The following EIF2B3 variants were observed in gnomAD, a reference collection of about 807,000 sequenced individuals.
The protein encoded by EIF2B3 is eukaryotic translation initiation factor 2B subunit gamma.
In EIF2B3, 20 loss-of-function variants were observed where a neutral mutation model predicts 54.1. The observed-to-expected ratio is 0.37, with a 90% CI of 0.26 to 0.54. The LOEUF (loss-of-function observed/expected upper bound fraction) is 0.54. EIF2B3 is among the 20% of genes least tolerant of loss of function. EIF2B3 has a pLI of 0.86. For missense variants in EIF2B3, 448 were observed against 547.8 expected (o/e 0.82, Z 1.82); for synonymous variants, 153 against 188.1 (o/e 0.81, Z 1.52).
chr1:44,897,699 T>C (rs1656019725), intron 5 of EIF2B3, among the ~76,000 whole-genome samples: 1 of 152,002 alleles, frequency 6.6e-6, no homozygotes, highest in South Asian at 2.1e-4. Flanking sequence ...TGAGACATCA[T>C]ATCACTGATA....
chr1:44,894,929 A>G (rs1052979667), intron 6 of EIF2B3, among the ~76,000 whole-genome samples: 2 of 152,160 alleles, frequency 1.3e-5, no homozygotes, highest in African/African-American at 2.4e-5. Context: ...CCACCAACCA[A>G]TTCAATCCCA....
intron 4 of EIF2B3, among the ~76,000 whole-genome samples, chr1:44,938,108 T>G (rs1369438209): frequency 6.6e-6 from 1 of 151,684 alleles, no homozygotes; most frequent in African/African-American, 2.4e-5. Context: ...GGAAGTTGGG[T>G]CTAGAAGATC....
chr1:44,852,112 C>T (rs1373138901), intron 11 of EIF2B3, among the ~76,000 whole-genome samples: 1 of 146,058 alleles, frequency 6.8e-6, no homozygotes, highest in Non-Finnish European at 1.5e-5. Flanking sequence ...CCACACATGG[C>T]TAATTTTTTT....
chr1:44,950,840 C>T (rs1644153299), intron 3 of EIF2B3, among the ~76,000 whole-genome samples: 1 of 152,066 alleles, frequency 6.6e-6, no homozygotes, highest in South Asian at 2.1e-4. Context: ...AGGCATGTGT[C>T]ACCACACCTG....
intron 4 of EIF2B3, among the ~76,000 whole-genome samples, chr1:44,929,733 G>A (rs979264254): frequency 6.6e-6 from 1 of 152,130 alleles, no homozygotes; most frequent in Non-Finnish European, 1.5e-5. Flanking sequence ...CAAGTCCTAA[G>A]GCTCACAGAA....
chr1:44,883,414 A>G (rs1229007469), intron 6 of EIF2B3, among the ~76,000 whole-genome samples: 1 of 152,142 alleles, frequency 6.6e-6, no homozygotes, highest in Non-Finnish European at 1.5e-5. Flanking sequence ...TTACTCCTGT[A>G]AGTAACATCA....
chr1:44,917,409 C>G (rs1416283213), intron 5 of EIF2B3, among the ~76,000 whole-genome samples: 2 of 150,922 alleles, frequency 1.3e-5, no homozygotes, highest in African/African-American at 4.9e-5. Flanking sequence ...AGGAGAATAT[C>G]TTGAACCCGG....
At chr1:44,885,461 A>G (rs263958) in intron 6 of EIF2B3, among the ~76,000 whole-genome samples, 3,630 of 152,320 alleles carry the variant, frequency 0.024, 107 homozygotes, top group African/African-American at 0.068. Flanking sequence ...GAGTCGGAGT[A>G]TAAACTGATA....
chr1:44,935,894 A>C (rs1412945659), intron 4 of EIF2B3, among the ~76,000 whole-genome samples: 1 of 151,902 alleles, frequency 6.6e-6, no homozygotes, highest in Non-Finnish European at 1.5e-5. Flanking sequence ...GAGTACAATG[A>C]ACACTTTTTT....
intron 2 of EIF2B3, among the ~76,000 whole-genome samples, chr1:44,978,831 T>C (rs949004047): frequency 1.8e-4 from 27 of 150,934 alleles, no homozygotes; most frequent in Non-Finnish European, 4.4e-5. Flanking sequence ...GAGATGAGGT[T>C]TCGCTCTGTT....
At chr1:44,974,445 G>A (rs1644433097) in intron 3 of EIF2B3, among the ~76,000 whole-genome samples, 1 of 147,900 alleles carries the variant, frequency 6.8e-6, no homozygotes, top group African/African-American at 2.5e-5. Context: ...CTGCACTCCA[G>A]CCTGGACAAC....
intron 5 of EIF2B3, among the ~76,000 whole-genome samples, chr1:44,900,557 C>A (rs1438423357): frequency 1.3e-5 from 2 of 151,858 alleles, no homozygotes; most frequent in African/African-American, 4.8e-5. Context: ...TGCTCACTAC[C>A]TGGGTGATGG....
chr1:44,926,491 T>C lies in EIF2B3; in HGVS notation c.566+137A>G, dbSNP rs79801743. ...GAAGAAAAGCCTTCATCCTGTCTCATGGGAAAAATATTCACATACTTTTGT... is the reference window on the plus strand; with the variant it reads ...GAAGAAAAGCCTTCATCCTGTCTCACGGGAAAAATATTCACATACTTTTGT... On this transcript the variant is annotated intron_variant, in intron 5 of 11. Coordinates refer to ENST00000360403, the MANE Select transcript of EIF2B3 (RefSeq NM_020365.5). The C allele has an allele frequency of 4.5e-3, 3,125 of 698,250 alleles. 81 individuals are homozygous for C. In the African/African-American group the frequency reaches 0.051, roughly 11 times the overall value. The allele number at this position is 698,250 out of a possible 1,614,324, so 43.3% of individuals were successfully genotyped here. A position where few individuals can be genotyped will look rare whatever the true frequency, so the allele number is the denominator to read the frequency against.
At position 44,881,502 on chromosome 1, in the gene EIF2B3, T is replaced by A; in HGVS notation, c.784+110A>T. The stretch of plus-strand genomic sequence containing the variant: ...CCTGTCTTGCCTCGTAGGCTAGAAA[T>A]AGTCTGCTGCCTTGAGTCAGGCATC... On this transcript the variant is annotated intron_variant, in intron 7 of 11. Coordinates refer to ENST00000360403, the MANE Select transcript of EIF2B3 (RefSeq NM_020365.5). The surrounding 1 kb of genome is among the most constrained non-coding windows in gnomAD (Gnocchi z 4.0). 1 of 1,446,296 alleles carries A rather than the reference T, an allele frequency of 6.9e-7. No individual in the cohort carries two copies. 89.6% of individuals were successfully genotyped at this position (1,446,296 alleles called of 1,614,324 possible).
At chr1:44,975,708 T>C (rs951539625) in intron 3 of EIF2B3, among the ~76,000 whole-genome samples, 24 of 152,178 alleles carry the variant, frequency 1.6e-4, no homozygotes, top group Admixed American at 5.9e-4. Context: ...AGGTCGCTCA[T>C]GTGTGTAATC....
intron 5 of EIF2B3, among the ~76,000 whole-genome samples, chr1:44,913,503 A>G (rs1643558190): frequency 1.4e-5 from 2 of 147,620 alleles, no homozygotes; most frequent in East Asian, 1.9e-4. Flanking sequence ...TTTTAATGGA[A>G]AAAAAAAAAA....
intron 11 of EIF2B3, among the ~76,000 whole-genome samples, chr1:44,855,671 C>A (rs1019906970): frequency 6.6e-6 from 1 of 152,112 alleles, no homozygotes. Flanking sequence ...ATTCTCCTGC[C>A]TCAACCTCCC....
intron 5 of EIF2B3, 96 bp downstream of exon 5, chr1:44,926,532 T>C: frequency 1.1e-6 from 1 of 938,424 alleles, no homozygotes. Context: ...TCACACAGTA[T>C]AGTCTAGTTT....
At chr1:44,972,759 T>C (rs890661344) in intron 3 of EIF2B3, among the ~76,000 whole-genome samples, 4 of 152,098 alleles carry the variant, frequency 2.6e-5, no homozygotes, top group African/African-American at 9.7e-5. Context: ...CCTTCACCTC[T>C]CGAGCACAAG....
Sources: gnomAD v4.1 joint callset for allele counts (sites outside exome capture counted in the v4.1 genomes callset) on GRCh38, gnomAD v4.1.1 for gene constraint, Gnocchi (gnomAD v3.1) non-coding constraint, MANE v1.5 for transcripts, NCBI Gene and HGNC (gene_info 2026-07-23, HGNC 2026-07-21) for gene names.